LDLRAD3: variants seen among roughly 807,000 people sequenced by gnomAD.
LDLRAD3 encodes the protein low density lipoprotein receptor class A domain containing 3, also known as low-density lipoprotein receptor class A domain-containing protein 3.
In LDLRAD3, 20 loss-of-function variants were observed where a neutral mutation model predicts 29.4. The ratio of observed to expected loss-of-function variants is 0.68; its 90% CI spans 0.48 to 0.99. The LOEUF (loss-of-function observed/expected upper bound fraction) is 0.99. Ranked by LOEUF, LDLRAD3 falls within the 50% of genes least tolerant of loss-of-function variation. The probability of loss-of-function intolerance (pLI) is 0.00; values close to 1 mark genes in which losing one functional copy is unlikely to be tolerated. For synonymous variants in LDLRAD3, 157 were observed against 192.7 expected, an observed-to-expected ratio of 0.81 and a Z score of 1.53; for missense variants, 420 against 454.3, an observed-to-expected ratio of 0.92 and a Z score of 0.69.
At chr11:36,157,130 AAG>A (rs1482396338) in intron 4 of LDLRAD3, among the ~76,000 whole-genome samples, 1 of 152,210 alleles carries the variant, frequency 6.6e-6, no homozygotes, top group Non-Finnish European at 1.5e-5. Context: ...TCCTGCTGGA[AAG>A]AGAGGACCCC....
chr11:36,017,894 T>A (rs1297957034), intron 1 of LDLRAD3, among the ~76,000 whole-genome samples: 1 of 152,216 alleles, frequency 6.6e-6, no homozygotes, highest in African/African-American at 2.4e-5. Context: ...AAAATTTCCA[T>A]TGAAAGCTCT....
At chr11:36,205,077 A>G (rs1376322741) in intron 4 of LDLRAD3, among the ~76,000 whole-genome samples, 1 of 152,158 alleles carries the variant, frequency 6.6e-6, no homozygotes, top group Non-Finnish European at 1.5e-5. Flanking sequence ...ACTAAGATTT[A>G]TAGTTTCCAA....
intron 4 of LDLRAD3, among the ~76,000 whole-genome samples, chr11:36,113,066 A>C (rs536331786): frequency 2.0e-5 from 3 of 152,220 alleles, no homozygotes; most frequent in Non-Finnish European, 4.4e-5. Flanking sequence ...AGGTTCAGAA[A>C]GACAGATATG....
intron 1 of LDLRAD3, among the ~76,000 whole-genome samples, chr11:35,974,214 GT>G (rs1851449694): frequency 6.6e-6 from 1 of 151,900 alleles, no homozygotes; most frequent in Non-Finnish European, 1.5e-5. Flanking sequence ...TTAAAAGCAT[GT>G]TTTCTCTTTT....
intron 4 of LDLRAD3, among the ~76,000 whole-genome samples, chr11:36,182,011 C>A (rs528487448): frequency 1.3e-5 from 2 of 152,266 alleles, no homozygotes; most frequent in East Asian, 3.9e-4. Context: ...ACTGAGTGAC[C>A]TTAGCTGCTA....
intron 1 of LDLRAD3, among the ~76,000 whole-genome samples, chr11:36,027,396 T>C (rs1046072346): frequency 1.3e-5 from 2 of 152,258 alleles, no homozygotes; most frequent in African/African-American, 4.8e-5. Flanking sequence ...TCGTGGGTTA[T>C]ACATGTGGCA....
At chr11:36,008,472 C>T (rs1427631987) in intron 1 of LDLRAD3, among the ~76,000 whole-genome samples, 1 of 152,164 alleles carries the variant, frequency 6.6e-6, no homozygotes, top group East Asian at 1.9e-4. Context: ...GATCCTTTCT[C>T]CCAGGAGTTT....
rs1299397387 is a variant in LDLRAD3 at position 36,145,252 on chromosome 11, T to TG, written c.454+46800dup. Among the ~76,000 whole-genome samples, 91 of 32,242 alleles carry TG rather than the reference T, an allele frequency of 2.8e-3. 17 individuals are homozygous for TG. Among genetic ancestry groups the TG allele is most frequent in the South Asian group, 0.028 (19 of 680 alleles). 21.2% of individuals were successfully genotyped at this position (32,242 alleles called of 152,430 possible). On this transcript the variant is annotated intron_variant, in intron 4 of 5. Coordinates refer to ENST00000315571, the MANE Select transcript of LDLRAD3 (RefSeq NM_174902.4). ...CCAGCCGCCCCGTCCGGGAGGGAAG[T>TG]GGGGGGGGGTCAGCCCCCCGCCCGG...
At position 36,222,846 on chromosome 11, in the gene LDLRAD3, C is replaced by T. The variant is rs114062684; in HGVS notation, c.455-4239C>T. 6.1e-3 allele frequency among the ~76,000 whole-genome samples: 931 copies of T among 152,270 alleles called. 11 individuals are homozygous for T. Among genetic ancestry groups the T allele is most frequent in the African/African-American group, 0.021 (889 of 41,548 alleles). On this transcript the variant is annotated intron_variant, in intron 4 of 5. Transcript: ENST00000315571. ...ACACAGCCTGCTTCTCCACAGGCAGCTGTGGAGCTACTGGCAGTCTTGATA... is the reference window on the plus strand; with the variant it reads ...ACACAGCCTGCTTCTCCACAGGCAGTTGTGGAGCTACTGGCAGTCTTGATA...
chr11:36,000,658 T>G (rs1048769962), intron 1 of LDLRAD3, among the ~76,000 whole-genome samples: 3 of 152,102 alleles, frequency 2.0e-5, no homozygotes, highest in Non-Finnish European at 4.4e-5. Flanking sequence ...TGTCTGGAAC[T>G]TAGTTTGTTG....
chr11:36,103,922 G>C (rs1040624824), intron 4 of LDLRAD3, among the ~76,000 whole-genome samples: 1 of 152,160 alleles, frequency 6.6e-6, no homozygotes, highest in African/African-American at 2.4e-5. Context: ...GTCACATTTG[G>C]TTTATCCATT....
At chr11:36,194,107 T>C (rs1160278132) in intron 4 of LDLRAD3, among the ~76,000 whole-genome samples, 1 of 152,226 alleles carries the variant, frequency 6.6e-6, no homozygotes, top group Non-Finnish European at 1.5e-5. Flanking sequence ...CATTTGTGCA[T>C]GGTTTTTTGC....
chr11:36,052,272 T>G (rs1259209655), intron 2 of LDLRAD3, among the ~76,000 whole-genome samples: 1 of 152,222 alleles, frequency 6.6e-6, no homozygotes, highest in Non-Finnish European at 1.5e-5. Context: ...TGACATGATA[T>G]GGGTTATTGC....
chr11:36,069,074 A>G (rs1852848954), intron 2 of LDLRAD3, among the ~76,000 whole-genome samples: 2 of 152,150 alleles, frequency 1.3e-5, no homozygotes, highest in Non-Finnish European at 2.9e-5. Flanking sequence ...ATACATTGCA[A>G]TATCTGATCA....
At chr11:36,152,364 C>T (rs1003279318) in intron 4 of LDLRAD3, among the ~76,000 whole-genome samples, 6 of 152,202 alleles carry the variant, frequency 3.9e-5, no homozygotes, top group Non-Finnish European at 5.9e-5. Context: ...TCTCATTTTA[C>T]AGATGAGAAA....
At chr11:36,203,796 T>A (rs885452) in intron 4 of LDLRAD3, among the ~76,000 whole-genome samples, 1 of 151,940 alleles carries the variant, frequency 6.6e-6, no homozygotes, top group African/African-American at 2.4e-5. Context: ...CCCAGAAGGC[T>A]TCTCCACCCT....
Position 36,230,148 on chromosome 11 carries a change from G to A in LDLRAD3, c.*751G>A, listed in dbSNP as rs1325885066. 6.6e-6 allele frequency: 1 copy of A among 152,196 alleles called. No individual in the cohort carries two copies. Among genetic ancestry groups the A allele is most frequent in the Non-Finnish European group, 1.5e-5 (1 of 68,068 alleles). 9.4% of individuals were successfully genotyped at this position (152,196 alleles called of 1,614,324 possible). On this transcript the variant is annotated 3_prime_UTR_variant, in exon 6 of 6. Coordinates refer to ENST00000315571, the MANE Select transcript of LDLRAD3 (RefSeq NM_174902.4). Reference sequence around the variant, plus strand: ...GAGCCCCTCCCATGAGTTTATCCAAGTTCTCAGCTCCTAAAATGCAGGCTG... The same window carrying A: ...GAGCCCCTCCCATGAGTTTATCCAAATTCTCAGCTCCTAAAATGCAGGCTG...
At chr11:36,165,904 C>T (rs1854505651) in intron 4 of LDLRAD3, among the ~76,000 whole-genome samples, 1 of 151,414 alleles carries the variant, frequency 6.6e-6, no homozygotes, top group Admixed American at 6.6e-5. Context: ...CCGTTGAGTG[C>T]CTACTGTTTA....
Position 36,148,062 on chromosome 11 carries a change from G to A in LDLRAD3, c.454+49601G>A, listed in dbSNP as rs541711803. ...ATGGTTGTATTGTTAGTAGAGACGG[G>A]GTTTCACCATGTTGGCCAGGCTGGT... On this transcript the variant is annotated intron_variant, in intron 4 of 5. Coordinates refer to ENST00000315571, the MANE Select transcript of LDLRAD3 (RefSeq NM_174902.4). Among the ~76,000 whole-genome samples, 15 of 152,122 alleles carry A rather than the reference G, an allele frequency of 9.9e-5. No individual in the cohort carries two copies. The East Asian group carries it at 2.7e-3, about 28-fold the overall frequency.
Sources: allele counts gnomAD v4.1 joint callset (sites outside exome capture counted in the v4.1 genomes callset), GRCh38; gene constraint gnomAD v4.1.1; transcripts MANE v1.5; gene names NCBI Gene and HGNC (gene_info 2026-07-23, HGNC 2026-07-21).